Variants in PPIP5K2 observed in about 807,000 individuals in gnomAD.
PPIP5K2 encodes the protein inositol hexakisphosphate and diphosphoinositol-pentakisphosphate kinase 2.
In PPIP5K2, 105 loss-of-function variants were observed where a neutral mutation model predicts 154.6. The ratio of observed to expected loss-of-function variants is 0.68; its 90% confidence interval spans 0.58 to 0.80. The LOEUF (loss-of-function observed/expected upper bound fraction) is 0.80, where lower values mean the gene tolerates loss of function less well. Among genes scored for constraint, PPIP5K2 ranks in the 30% least tolerant of loss-of-function variants. PPIP5K2 has a pLI of 0.00. For missense variants in PPIP5K2, 992 were observed against 1,504.6 expected, an observed-to-expected ratio of 0.66 and a Z score of 5.64; for synonymous variants, 480 against 490.3, an observed-to-expected ratio of 0.98 and a Z score of 0.28.
intron 16 of PPIP5K2, among the ~76,000 whole-genome samples, chr5:103,158,865 G>A (rs751379161): frequency 6.6e-6 from 1 of 152,042 alleles, no homozygotes; most frequent in Non-Finnish European, 1.5e-5. Context: ...GGAGGTCAAG[G>A]CTGCAATGAG....
At chr5:103,191,163 T>C (rs1801170964) in intron 29 of PPIP5K2, 181 bp downstream of exon 29, 2 of 446,938 alleles carry the variant, frequency 4.5e-6, no homozygotes, top group South Asian at 8.9e-5. Context: ...CTCTTTTTTT[T>C]ACTCTGCCAA....
At chr5:103,196,289 A>G (rs1802080373) in intron 30 of PPIP5K2, among the ~76,000 whole-genome samples, 2 of 152,158 alleles carry the variant, frequency 1.3e-5, no homozygotes, top group African/African-American at 4.8e-5. Context: ...GATTTGTTCT[A>G]TTATACCAGA....
At chr5:103,166,183 C>T (rs888483476) in intron 17 of PPIP5K2, among the ~76,000 whole-genome samples, 3 of 151,994 alleles carry the variant, frequency 2.0e-5, no homozygotes, top group African/African-American at 4.8e-5. Flanking sequence ...TTTTTTGGGA[C>T]GCTCAAGGCA....
At chr5:103,176,335 A>T (rs1159232696) in intron 21 of PPIP5K2, among the ~76,000 whole-genome samples, 5 of 152,046 alleles carry the variant, frequency 3.3e-5, no homozygotes, top group Admixed American at 1.3e-4. Context: ...CCTAATGAAA[A>T]TTTTCAGTAT....
chr5:103,140,321 T>C (rs1366488497), intron 5 of PPIP5K2, among the ~76,000 whole-genome samples: 1 of 152,112 alleles, frequency 6.6e-6, no homozygotes, highest in African/African-American at 2.4e-5. Flanking sequence ...AATATGAAGA[T>C]TTAACCCAAA....
chr5:103,139,969 C>T (rs1792272539), intron 5 of PPIP5K2, among the ~76,000 whole-genome samples: 1 of 151,958 alleles, frequency 6.6e-6, no homozygotes, highest in Admixed American at 6.6e-5. Flanking sequence ...TGTGAAAATC[C>T]ATAGCCAGAG....
rs186855494 is a variant in PPIP5K2 at position 103,208,893 on chromosome 5, A to T, written c.*7259A>T. The T allele has an allele frequency of 1.3e-5, 2 of 152,108 alleles. No homozygotes were observed. Among genetic ancestry groups the T allele is most frequent in the Admixed American group, 1.3e-4 (2 of 15,268 alleles). 9.4% of individuals were successfully genotyped at this position (152,108 alleles called of 1,614,324 possible). On this transcript the variant is annotated 3_prime_UTR_variant, in exon 31 of 31. Transcript: ENST00000358359. ...TAGTTTATGTTTCTCTTCATATTTG[A>T]TGATAATTTTTTAAATTAAGACCTA... is the stretch of plus-strand genomic sequence containing the variant.
chr5:103,139,584 A>G (rs976427797), intron 5 of PPIP5K2, among the ~76,000 whole-genome samples: 10 of 152,172 alleles, frequency 6.6e-5, no homozygotes, highest in Non-Finnish European at 4.4e-5. Flanking sequence ...AACGGTGAAG[A>G]CTGAAATAAA....
rs35922283 is a variant in PPIP5K2, at chr5:103,163,086, G to GTTT, written c.1920+3777_1920+3779dup. On this transcript the variant is annotated intron_variant, in intron 17 of 30. Coordinates refer to ENST00000358359, the MANE Select transcript of PPIP5K2 (RefSeq NM_001276277.3). ...ACCCCAAATGGATCCTTCTTCAAGT[G>GTTT]TTTTTTTTTTTTTTTTTTTTTGCAT... 3.0e-3 allele frequency among the ~76,000 whole-genome samples: 181 copies of GTTT among 59,410 alleles called. 1 individual carries two copies. The highest frequency in any genetic ancestry group is 4.4e-3 in the Non-Finnish European group (129 of 29,632). The allele number at this position is 59,410 out of a possible 152,430, so 39.0% of individuals were successfully genotyped here. A position where few individuals can be genotyped will look rare whatever the true frequency, so the allele number is the denominator to read the frequency against.
chr5:103,189,158 T>C (rs758441667), intron 28 of PPIP5K2: 4 of 1,522,272 alleles, frequency 2.6e-6, no homozygotes, highest in African/African-American at 1.4e-5. Context: ...TTTCTGGGCC[T>C]CTGTGCAGAA....
rs969571439 is a variant in PPIP5K2, at chr5:103,129,811, T to C, written c.114+108T>C. On this transcript the variant is annotated intron_variant, in intron 2 of 30. Coordinates refer to ENST00000358359, the MANE Select transcript of PPIP5K2 (RefSeq NM_001276277.3). ...GGAAAATTTTTGAACTGAAAAAGTA[T>C]ATTTTGTTTCATGACTGATGTTGTT... 3.0e-5 allele frequency: 40 copies of C among 1,337,678 alleles called. No individual in the cohort carries two copies. The African/African-American group carries it at 5.4e-4, about 18-fold the overall frequency. The allele number at this position is 1,337,678 out of a possible 1,614,324, so 82.9% of individuals were successfully genotyped here.
At chr5:103,195,054 A>G in intron 30 of PPIP5K2, 29 bp downstream of exon 30, 1 of 1,592,326 alleles carries the variant, frequency 6.3e-7, no homozygotes, top group Non-Finnish European at 8.5e-7. Context: ...GAGTTTGTGG[A>G]TTTGCACAGA....
chr5:103,167,839 TTTC>T (rs782267440), intron 18 of PPIP5K2, among the ~76,000 whole-genome samples: 12 of 151,944 alleles, frequency 7.9e-5, no homozygotes, highest in Non-Finnish European at 1.5e-4. Flanking sequence ...TGTTGCTCTT[TTTC>T]TTCTTATTGT....
In PPIP5K2 at chr5:103,159,132, T is replaced by C. The variant is rs375798405; in HGVS notation, c.1738-14T>C. 8.1e-6 allele frequency: 12 copies of C among 1,489,074 alleles called. No individual in the cohort carries two copies. Among genetic ancestry groups the C allele is most frequent in the African/African-American group, 1.4e-5 (1 of 70,116 alleles). 92.2% of individuals were successfully genotyped at this position (1,489,074 alleles called of 1,614,324 possible). ...ATTTTTTAAATTCGTGTTTTCTTTA[T>C]TTAATATGCTTAGGGGCTTTTAGCT... On this transcript the variant is annotated splice_polypyrimidine_tract_variant and intron_variant, in intron 16 of 30. Transcript: ENST00000358359.
At chr5:103,160,319 T>A (rs1016782016) in intron 17 of PPIP5K2, among the ~76,000 whole-genome samples, 1 of 152,170 alleles carries the variant, frequency 6.6e-6, no homozygotes, top group African/African-American at 2.4e-5. Flanking sequence ...TTTTTCTGTC[T>A]TCAGTTTTTT....
At chr5:103,178,192 GA>G (rs1457374802) in intron 23 of PPIP5K2, among the ~76,000 whole-genome samples, 1 of 152,006 alleles carries the variant, frequency 6.6e-6, no homozygotes, top group East Asian at 1.9e-4. Flanking sequence ...TAGATTGTTT[GA>G]ATTTTAAGGC....
intron 24 of PPIP5K2, among the ~76,000 whole-genome samples, chr5:103,180,848 C>CAAAA (rs782295420): frequency 2.2e-5 from 2 of 90,358 alleles, no homozygotes; most frequent in Non-Finnish European, 4.7e-5. Flanking sequence ...AGACTCTCCC[C>CAAAA]AAAAAAAAAA....
intron 3 of PPIP5K2, among the ~76,000 whole-genome samples, 192 bp from the exon 4 acceptor site, chr5:103,136,540 C>A (rs1554204282): frequency 6.6e-6 from 1 of 151,964 alleles, no homozygotes; most frequent in African/African-American, 2.4e-5. Flanking sequence ...GTGCCTTAAT[C>A]AAATTATGAA....
intron 1 of PPIP5K2, among the ~76,000 whole-genome samples, chr5:103,127,944 G>C (rs201701279): frequency 7.5e-6 from 1 of 134,228 alleles, no homozygotes; most frequent in Non-Finnish European, 1.7e-5. Context: ...TGTTGTTGTT[G>C]TTTTTTTTTT....
Sources: gnomAD v4.1 joint callset for allele counts (sites outside exome capture counted in the v4.1 genomes callset) on GRCh38, gnomAD v4.1.1 for gene constraint, MANE v1.5 for transcripts, NCBI Gene and HGNC (gene_info 2026-07-23, HGNC 2026-07-21) for gene names.